SGMS1: variants seen among roughly 807,000 people sequenced by gnomAD.
The protein encoded by SGMS1 is phosphatidylcholine:ceramide cholinephosphotransferase 1.
Under a neutral mutation model 46.2 loss-of-function variants are expected in SGMS1, and 13 were observed. The ratio of observed to expected loss-of-function variants is 0.28; its 90% CI spans 0.18 to 0.45. SGMS1 has a LOEUF of 0.45. Among genes scored for constraint, SGMS1 ranks in the 20% least tolerant of loss-of-function variants. The probability of loss-of-function intolerance (pLI) is 1.00; values close to 1 mark genes in which losing one functional copy is unlikely to be tolerated. For missense variants in SGMS1, 324 were observed against 519.9 expected (o/e 0.62, Z 3.66); for synonymous variants, 203 against 187.8 (o/e 1.08, Z -0.66).
At chr10:50,528,303 CTG>C (rs1837922699) in intron 2 of SGMS1, among the ~76,000 whole-genome samples, 1 of 152,198 alleles carries the variant, frequency 6.6e-6, no homozygotes, top group Non-Finnish European at 1.5e-5. Context: ...AGGGACGACT[CTG>C]TCCTCAGTCC....
At chr10:50,550,662 C>T (rs180700645) in intron 2 of SGMS1, among the ~76,000 whole-genome samples, 54 of 152,316 alleles carry the variant, frequency 3.5e-4, no homozygotes, top group African/African-American at 1.2e-3. Flanking sequence ...ACACCTGCTT[C>T]TCTGACCCCT....
intron 3 of SGMS1, among the ~76,000 whole-genome samples, chr10:50,504,384 T>C (rs1015587877): frequency 6.6e-6 from 1 of 152,250 alleles, no homozygotes; most frequent in Non-Finnish European, 1.5e-5. Context: ...TTTCTCAAGA[T>C]AGTTCCTACC....
chr10:50,349,650 G>GGTC (rs1175717290), intron 6 of SGMS1, among the ~76,000 whole-genome samples: 2 of 152,158 alleles, frequency 1.3e-5, no homozygotes, highest in Non-Finnish European at 2.9e-5. Flanking sequence ...TCATGGAGGT[G>GGTC]GTCCCCTTAT....
chr10:50,386,940 A>G (rs1273267610), intron 6 of SGMS1, among the ~76,000 whole-genome samples: 1 of 152,182 alleles, frequency 6.6e-6, no homozygotes, highest in African/African-American at 2.4e-5. Flanking sequence ...ATGAATATCT[A>G]TTGACAGGTG....
At chr10:50,344,880 A>AT (rs1284970501) in intron 6 of SGMS1, among the ~76,000 whole-genome samples, 3 of 151,968 alleles carry the variant, frequency 2.0e-5, no homozygotes, top group Admixed American at 6.5e-5. Flanking sequence ...CAAAAAAAAA[A>AT]AATAATAATA....
intron 5 of SGMS1, among the ~76,000 whole-genome samples, chr10:50,433,919 G>A (rs555668609): frequency 6.6e-6 from 1 of 152,224 alleles, no homozygotes; most frequent in South Asian, 2.1e-4. Flanking sequence ...CTCCTCAAAA[G>A]TGAAGGATTA....
intron 6 of SGMS1, among the ~76,000 whole-genome samples, chr10:50,427,957 T>A (rs984256408): frequency 6.6e-6 from 1 of 151,206 alleles, no homozygotes; most frequent in Admixed American, 6.6e-5. Flanking sequence ...AAAAGGAGGC[T>A]AAGCTGCGTG....
intron 2 of SGMS1, among the ~76,000 whole-genome samples, chr10:50,557,510 T>C (rs1284981652): frequency 6.6e-5 from 10 of 152,026 alleles, no homozygotes; most frequent in Non-Finnish European, 1.3e-4. Flanking sequence ...AAAGAATAAC[T>C]GTTTTGCTTT....
intron 3 of SGMS1, among the ~76,000 whole-genome samples, chr10:50,469,990 C>A (rs1325374634): frequency 6.6e-6 from 1 of 152,182 alleles, no homozygotes; most frequent in Admixed American, 6.5e-5. Flanking sequence ...ATTCTGGGGC[C>A]AATCTGATTG....
At chr10:50,323,518 ATCCATATCCACAGCTT>A (rs1436432016) in intron 8 of SGMS1, among the ~76,000 whole-genome samples, 3 of 152,180 alleles carry the variant, frequency 2.0e-5, no homozygotes, top group Non-Finnish European at 2.9e-5. Context: ...GGGCCTTTTC[ATCCATATCCACAGCTT>A]TAACCACCAT....
chr10:50,567,832 C>T (rs1253948995), intron 2 of SGMS1, among the ~76,000 whole-genome samples: 3 of 152,132 alleles, frequency 2.0e-5, no homozygotes, highest in Non-Finnish European at 4.4e-5. Flanking sequence ...AAAAGATATC[C>T]CTTCCTGCTT....
At chr10:50,429,579 T>C (rs936413299) in intron 6 of SGMS1, among the ~76,000 whole-genome samples, 13 of 152,140 alleles carry the variant, frequency 8.5e-5, no homozygotes, top group African/African-American at 3.1e-4. Flanking sequence ...CTTTTCCAAA[T>C]TGTCCTTAAC....
At chr10:50,356,184 T>C (rs971796550) in intron 6 of SGMS1, among the ~76,000 whole-genome samples, 3 of 152,216 alleles carry the variant, frequency 2.0e-5, no homozygotes, top group Non-Finnish European at 2.9e-5. Context: ...GAAGTAGACA[T>C]AGGAGACTCC....
intron 3 of SGMS1, among the ~76,000 whole-genome samples, chr10:50,503,183 C>T (rs1837676191): frequency 6.6e-6 from 1 of 152,156 alleles, no homozygotes; most frequent in Admixed American, 6.5e-5. Context: ...CTTCCCTTGT[C>T]ACTGATGGGG....
At chr10:50,518,828 T>C (rs535171110) in intron 3 of SGMS1, among the ~76,000 whole-genome samples, 1 of 152,204 alleles carries the variant, frequency 6.6e-6, no homozygotes, top group African/African-American at 2.4e-5. Flanking sequence ...ACTGAAATTT[T>C]TGTCTAAATT....
chr10:50,452,825 G>A (rs571316276), intron 5 of SGMS1, among the ~76,000 whole-genome samples: 7 of 152,248 alleles, frequency 4.6e-5, no homozygotes, highest in South Asian at 4.1e-4. Flanking sequence ...TTTTTTAACC[G>A]TAGCATCTTC....
intron 5 of SGMS1, among the ~76,000 whole-genome samples, chr10:50,451,478 T>C (rs1837108586): frequency 6.6e-6 from 1 of 152,236 alleles, no homozygotes. Context: ...ATTTCCTTAA[T>C]ACCATAATAC....
At chr10:50,620,151 C>G (rs543137684) in intron 1 of SGMS1, among the ~76,000 whole-genome samples, 21 of 152,368 alleles carry the variant, frequency 1.4e-4, no homozygotes, top group Non-Finnish European at 2.5e-4. Flanking sequence ...CCTTCTCTTT[C>G]CCTTTCTTCA....
At chr10:50,546,416 T>C (rs2133825684) in intron 2 of SGMS1, among the ~76,000 whole-genome samples, 1 of 152,290 alleles carries the variant, frequency 6.6e-6, no homozygotes, top group Admixed American at 6.5e-5. Flanking sequence ...TAAAGACACA[T>C]GCACATGTAT....
Sources: gnomAD v4.1 joint callset for allele counts (sites outside exome capture counted in the v4.1 genomes callset) on GRCh38, gnomAD v4.1.1 for gene constraint, MANE v1.5 for transcripts, NCBI Gene and HGNC (gene_info 2026-07-23, HGNC 2026-07-21) for gene names.